The following DOCK9 variants were observed in gnomAD, a reference collection of about 807,000 sequenced individuals.
DOCK9 encodes the protein dedicator of cytokinesis 9.
In DOCK9, 89 loss-of-function variants were observed where a neutral mutation model predicts 263.3. The ratio of observed to expected loss-of-function variants is 0.34; its 90% CI spans 0.28 to 0.40. The LOEUF (loss-of-function observed/expected upper bound fraction) is 0.40. Ranked by LOEUF, DOCK9 falls within the 10% of genes least tolerant of loss-of-function variation. The pLI, the probability that DOCK9 is intolerant of heterozygous loss-of-function variation, is 1.00. For missense variants in DOCK9, 2,140 were observed against 2,603.4 expected (o/e 0.82, Z 3.87); for synonymous variants, 976 against 973.1 (o/e 1.00, Z -0.06).
intron 30 of DOCK9, among the ~76,000 whole-genome samples, chr13:98,864,911 C>T (rs995073677): frequency 2.0e-5 from 3 of 152,138 alleles, no homozygotes; most frequent in Admixed American, 6.5e-5. Flanking sequence ...CACTCCTCGT[C>T]TCTTGCTCCC....
intron 1 of DOCK9, among the ~76,000 whole-genome samples, chr13:99,031,361 C>T (rs1208080351): frequency 1.3e-5 from 2 of 152,214 alleles, no homozygotes; most frequent in Admixed American, 1.3e-4. Flanking sequence ...ACCAAAGTCA[C>T]CCAGCTGGTA....
chr13:99,008,119 C>T (rs1201718559), intron 1 of DOCK9, among the ~76,000 whole-genome samples: 1 of 149,502 alleles, frequency 6.7e-6, no homozygotes, highest in African/African-American at 2.5e-5. Flanking sequence ...TGAAATGACA[C>T]CATTAAGAAT....
chr13:98,867,334 T>A, intron 30 of DOCK9, 91 bp downstream of exon 30: 2 of 808,660 alleles, frequency 2.5e-6, no homozygotes, highest in Non-Finnish European at 4.0e-6. Context: ...AATCAGAAAA[T>A]TCAAATATCA....
intron 1 of DOCK9, among the ~76,000 whole-genome samples, chr13:99,035,801 A>T (rs77735611): frequency 7.6e-4 from 116 of 152,354 alleles, no homozygotes; most frequent in African/African-American, 2.7e-3. Flanking sequence ...GGTCAAATAC[A>T]TGTGGATACT....
chr13:98,810,099 A>G, intron 46 of DOCK9, 70 bp downstream of exon 46: 1 of 1,598,544 alleles, frequency 6.3e-7, no homozygotes, highest in Non-Finnish European at 8.5e-7. Flanking sequence ...TCTCACATAT[A>G]TGCAGGTCTG....
intron 1 of DOCK9, among the ~76,000 whole-genome samples, chr13:98,990,593 C>A (rs1879577764): frequency 6.6e-6 from 1 of 152,200 alleles, no homozygotes; most frequent in African/African-American, 2.4e-5. Flanking sequence ...CTTAAGGCGA[C>A]CACAAGTGCT....
intron 46 of DOCK9, 113 bp from the exon 47 acceptor site, chr13:98,809,578 C>T (rs1398523496): frequency 8.4e-6 from 7 of 828,850 alleles, no homozygotes; most frequent in South Asian, 1.8e-5. Context: ...TAAAAATACA[C>T]ACACACACAT....
chr13:98,921,586 C>T (rs2051997471), intron 6 of DOCK9, among the ~76,000 whole-genome samples: 1 of 152,180 alleles, frequency 6.6e-6, no homozygotes, highest in African/African-American at 2.4e-5. Context: ...CCACTTTTCT[C>T]CTGAATAGCT....
intron 1 of DOCK9, among the ~76,000 whole-genome samples, chr13:99,027,254 G>A (rs558458343): frequency 2.4e-4 from 37 of 152,102 alleles, no homozygotes; most frequent in African/African-American, 8.0e-4. Flanking sequence ...TCCTAACCTC[G>A]TGATCCACCA....
chr13:98,915,802 T>C (rs1298176916), intron 7 of DOCK9, among the ~76,000 whole-genome samples: 1 of 152,192 alleles, frequency 6.6e-6, no homozygotes, highest in Admixed American at 6.5e-5. Flanking sequence ...CCCATTTTTG[T>C]CAGTGCTACA....
rs556359322 is a variant in DOCK9 at position 98,819,550 on chromosome 13, A to G, written c.5130+4848T>C. ...GCTCAGTGCCAAGGAAGCCCAGTCC[A>G]CATTTGCAAAATGAAGTAGGGCAGT... On this transcript the variant is annotated intron_variant, in intron 45 of 52. Coordinates refer to ENST00000682017, the MANE Select transcript of DOCK9 (RefSeq NM_001366683.2). Among the ~76,000 whole-genome samples, 5 of 152,310 alleles carry G rather than the reference A, an allele frequency of 3.3e-5. No homozygotes were observed. The East Asian group carries it at 5.8e-4, about 18-fold the overall frequency.
chr13:98,860,373 G>A, intron 33 of DOCK9, 32 bp downstream of exon 33: 1 of 1,557,778 alleles, frequency 6.4e-7, no homozygotes, highest in Non-Finnish European at 8.7e-7. Flanking sequence ...GAGTGATGGT[G>A]GAGAGAAGCC....
chr13:98,939,070 G>A (rs2055376024), intron 2 of DOCK9, among the ~76,000 whole-genome samples: 1 of 152,236 alleles, frequency 6.6e-6, no homozygotes, highest in African/African-American at 2.4e-5. Context: ...AGGAAGAGAT[G>A]GGGAGTACCC....
intron 1 of DOCK9, among the ~76,000 whole-genome samples, chr13:98,989,247 C>A (rs1458614333): frequency 1.3e-5 from 2 of 151,544 alleles, no homozygotes; most frequent in African/African-American, 2.4e-5. Context: ...AAGCCAAGAC[C>A]CCTGTCTTGT....
At chr13:98,875,620 G>A (rs2043704978) in intron 27 of DOCK9, among the ~76,000 whole-genome samples, 1 of 152,158 alleles carries the variant, frequency 6.6e-6, no homozygotes, top group Non-Finnish European at 1.5e-5. Flanking sequence ...TATACATGGT[G>A]GAAAAGAAAC....
chr13:98,888,167 C>A lies in DOCK9; in HGVS notation c.2034G>T (p.Gln678His). ...EFKDSDEEDS[Q>H]PLKCIYGRPG... ...TTAAAAAAAAACAAACCTTAAGGGG[C>A]TGAGAGTCTTCCTCATCTGAATCTT... Residue 678 changes from glutamine to histidine, a missense_variant, in exon 18 of 53, where the codon CAG (glutamine) becomes CAT (histidine). This residue lies in a region of DOCK9 where 1,521 missense variants were observed against 1,741.7 expected (regional missense o/e 0.87). Coordinates refer to ENST00000682017, the MANE Select transcript of DOCK9 (RefSeq NM_001366683.2). 1 of 1,604,240 alleles carries A rather than the reference C, an allele frequency of 6.2e-7. No individual in the cohort carries two copies. Among genetic ancestry groups the A allele is most frequent in the Non-Finnish European group, 8.5e-7 (1 of 1,175,350 alleles).
chr13:98,822,170 A>G (rs940490835), intron 45 of DOCK9, among the ~76,000 whole-genome samples: 1 of 152,182 alleles, frequency 6.6e-6, no homozygotes, highest in African/African-American at 2.4e-5. Flanking sequence ...TTAAAGATTT[A>G]CTAAGTTTAT....
intron 27 of DOCK9, among the ~76,000 whole-genome samples, chr13:98,870,325 C>T (rs1049448301): frequency 6.6e-6 from 1 of 152,146 alleles, no homozygotes; most frequent in Non-Finnish European, 1.5e-5. Flanking sequence ...ATGTGAAGCT[C>T]ACCAACTTTA....
intron 15 of DOCK9, among the ~76,000 whole-genome samples, chr13:98,891,816 G>GTT (rs11450748): frequency 0.086 from 12,650 of 146,970 alleles, 650 homozygotes; most frequent in South Asian, 0.21. Flanking sequence ...TTTAAAAGTT[G>GTT]TTTTTTTTTT....
Sources: gnomAD v4.1 joint callset for allele counts (sites outside exome capture counted in the v4.1 genomes callset) on GRCh38, gnomAD v4.1.1 for gene constraint, gnomAD v4.1.1 regional missense constraint, MANE v1.5 for transcripts, NCBI Gene and HGNC (gene_info 2026-07-23, HGNC 2026-07-21) for gene names.